DAB1: variants seen among roughly 807,000 people sequenced by gnomAD.
DAB1 encodes the protein DAB adaptor protein 1.
Under a neutral mutation model 64.6 loss-of-function variants are expected in DAB1, and 15 were observed. The ratio of observed to expected loss-of-function variants is 0.23; its 90% confidence interval spans 0.16 to 0.36. The LOEUF (loss-of-function observed/expected upper bound fraction) is 0.36, where lower values mean the gene tolerates loss of function less well. Among genes scored for constraint, DAB1 ranks in the 10% least tolerant of loss-of-function variants. The pLI is 1.00. For synonymous variants in DAB1, 235 were observed against 251.9 expected (o/e 0.93, Z 0.64); for missense variants, 596 against 706.7 (o/e 0.84, Z 1.78).
chr1:57,569,127 G>C (rs566860766), intron 7 of DAB1, among the ~76,000 whole-genome samples: 1 of 149,652 alleles, frequency 6.7e-6, no homozygotes, highest in East Asian at 2.0e-4. Flanking sequence ...GCGAGATGGC[G>C]GGCGCCTGTA....
intron 5 of DAB1, among the ~76,000 whole-genome samples, chr1:57,959,612 T>C (rs1223216456): frequency 6.6e-6 from 1 of 152,194 alleles, no homozygotes; most frequent in African/African-American, 2.4e-5. Flanking sequence ...GCTTTCTTTT[T>C]CTTTTACTTT....
chr1:57,984,630 C>T (rs1453511450), intron 5 of DAB1, among the ~76,000 whole-genome samples: 1 of 152,144 alleles, frequency 6.6e-6, no homozygotes, highest in African/African-American at 2.4e-5. Context: ...ACAAATGTCT[C>T]TACTACATGT....
At chr1:58,075,866 C>T (rs1329351629) in intron 5 of DAB1, among the ~76,000 whole-genome samples, 1 of 152,116 alleles carries the variant, frequency 6.6e-6, no homozygotes, top group Non-Finnish European at 1.5e-5. Context: ...CCAGTCTACC[C>T]AGGTGGGAAG....
intron 2 of DAB1, among the ~76,000 whole-genome samples, chr1:57,165,638 C>A (rs911826961): frequency 9.9e-5 from 15 of 152,132 alleles, no homozygotes; most frequent in African/African-American, 2.4e-5. Flanking sequence ...ATTTCAACTG[C>A]CCTAAGAGGT....
intron 9 of DAB1, among the ~76,000 whole-genome samples, chr1:57,062,579 G>C (rs961461739): frequency 6.6e-6 from 1 of 152,188 alleles, no homozygotes; most frequent in Admixed American, 6.5e-5. Context: ...CATGGCTGGA[G>C]ACTTTTGCCC....
At chr1:57,631,703 A>T (rs1013289841) in intron 7 of DAB1, among the ~76,000 whole-genome samples, 4 of 152,212 alleles carry the variant, frequency 2.6e-5, no homozygotes, top group Non-Finnish European at 4.4e-5. Flanking sequence ...ATAGTATGTA[A>T]AATAAAAATT....
chr1:57,133,874 A>G (rs1051679004), intron 4 of DAB1, among the ~76,000 whole-genome samples: 1 of 152,208 alleles, frequency 6.6e-6, no homozygotes, highest in Non-Finnish European at 1.5e-5. Flanking sequence ...TTTAGAACCC[A>G]TGCTGAACAT....
chr1:57,645,156 C>T (rs1205146606), intron 7 of DAB1, among the ~76,000 whole-genome samples: 3 of 152,148 alleles, frequency 2.0e-5, no homozygotes, highest in African/African-American at 4.8e-5. Flanking sequence ...CCTATACCTC[C>T]CAAGTCTCCC....
chr1:57,162,796 T>C (rs185020372), intron 2 of DAB1, among the ~76,000 whole-genome samples: 1 of 152,354 alleles, frequency 6.6e-6, no homozygotes, highest in Admixed American at 6.5e-5. Context: ...CTAAATTATT[T>C]CTTTAGAGTA....
In DAB1 at chr1:57,740,825, G is replaced by A. The variant is rs952589835; in HGVS notation, n.552-91160C>T. 4.6e-5 allele frequency among the ~76,000 whole-genome samples: 7 copies of A among 152,188 alleles called. 1 individual carries two copies. The highest frequency in any genetic ancestry group is 1.7e-4 in the African/African-American group (7 of 41,452). Reference sequence around the variant, plus strand: ...AGAGAAGTAAGAAATCTCCCCTTTTGTGTGGATTTTATGTGCAAATGTGTC... The same window carrying A: ...AGAGAAGTAAGAAATCTCCCCTTTTATGTGGATTTTATGTGCAAATGTGTC... On this transcript the variant is annotated intron_variant and non_coding_transcript_variant, in intron 6 of 20. Transcript: ENST00000485760.
intron 2 of DAB1, among the ~76,000 whole-genome samples, chr1:57,167,310 T>C (rs1661290903): frequency 6.6e-6 from 1 of 152,138 alleles, no homozygotes; most frequent in Non-Finnish European, 1.5e-5. Context: ...AATTATTTAC[T>C]CCAATAGTTC....
intron 5 of DAB1, among the ~76,000 whole-genome samples, chr1:57,911,636 A>C (rs573184990): frequency 2.0e-5 from 3 of 152,192 alleles, no homozygotes; most frequent in Non-Finnish European, 4.4e-5. Flanking sequence ...ACCAGCCACC[A>C]GTACTCCTCA....
intron 5 of DAB1, among the ~76,000 whole-genome samples, chr1:58,092,108 G>T (rs1264087626): frequency 1.3e-5 from 2 of 152,006 alleles, no homozygotes; most frequent in African/African-American, 4.8e-5. Context: ...TGGCGCAGGC[G>T]GGTGGATCAC....
intron 5 of DAB1, among the ~76,000 whole-genome samples, chr1:58,101,447 CAG>C (rs1470581900): frequency 6.6e-6 from 1 of 152,040 alleles, no homozygotes; most frequent in Admixed American, 6.6e-5. Flanking sequence ...CAGTTCAGGC[CAG>C]AGAGTGAGAG....
intron 5 of DAB1, among the ~76,000 whole-genome samples, chr1:58,113,033 T>C (rs884946): frequency 0.17 from 26,331 of 152,074 alleles, 2,931 homozygotes; most frequent in East Asian, 0.51. Context: ...GTAAGACACA[T>C]ATGTTTTCTG....
At chr1:57,456,775 A>G (rs1686610369) in intron 7 of DAB1, among the ~76,000 whole-genome samples, 1 of 152,140 alleles carries the variant, frequency 6.6e-6, no homozygotes, top group South Asian at 2.1e-4. Context: ...TCTAAGAAAG[A>G]TGCTTCTTCT....
intron 8 of DAB1, among the ~76,000 whole-genome samples, chr1:57,064,993 A>G (rs1650759420): frequency 6.6e-6 from 1 of 152,164 alleles, no homozygotes; most frequent in South Asian, 2.1e-4. Flanking sequence ...AAAATGAAGA[A>G]CATTCTGTTG....
chr1:58,498,797 TA>T (rs34573893), intron 3 of DAB1, among the ~76,000 whole-genome samples: 4,063 of 152,278 alleles, frequency 0.027, 188 homozygotes, highest in African/African-American at 0.093. Flanking sequence ...TTTCATCTTT[TA>T]AAAAAATTAT....
intron 1 of DAB1, chr1:57,880,727 A>T (rs1644131199): frequency 6.6e-6 from 1 of 152,208 alleles, no homozygotes; most frequent in African/African-American, 2.4e-5. Context: ...AAGCTGAACA[A>T]CTTATTATTT....
Sources: gnomAD v4.1 joint callset for allele counts (sites outside exome capture counted in the v4.1 genomes callset) on GRCh38, gnomAD v4.1.1 for gene constraint, MANE v1.5 for transcripts, NCBI Gene and HGNC (gene_info 2026-07-23, HGNC 2026-07-21) for gene names.